Variants in CACNA1B observed in about 807,000 individuals in gnomAD.
CACNA1B encodes the protein voltage-dependent N-type calcium channel subunit alpha-1B.
In CACNA1B, 70 loss-of-function variants were observed where a neutral mutation model predicts 247.2. That is an observed-to-expected ratio of 0.28 (90% CI 0.23 to 0.35). The LOEUF (loss-of-function observed/expected upper bound fraction) is 0.35. CACNA1B is among the 10% of genes least tolerant of loss of function. The pLI, the probability that CACNA1B is intolerant of heterozygous loss-of-function variation, is 1.00. For missense variants in CACNA1B, 2,367 were observed against 3,197.4 expected (o/e 0.74, Z 6.26); for synonymous variants, 1,231 against 1,294.4 (o/e 0.95, Z 1.05).
At chr9:137,929,894 T>G (rs1957589943) in intron 6 of CACNA1B, among the ~76,000 whole-genome samples, 1 of 152,150 alleles carries the variant, frequency 6.6e-6, no homozygotes, top group South Asian at 2.1e-4. Context: ...GCTCAGGCGA[T>G]TCTCCCTCCT....
In CACNA1B at chr9:137,880,589, C is replaced by T. The variant is rs191092601; in HGVS notation, c.390+1430C>T. ...TGTCCAGCCTTGCAAGTTCCTGCCTCGCAGGTGTGGGAGGGTTTACTTTGT... is the reference window on the plus strand; with the variant it reads ...TGTCCAGCCTTGCAAGTTCCTGCCTTGCAGGTGTGGGAGGGTTTACTTTGT... On this transcript the variant is annotated intron_variant, in intron 2 of 46. Coordinates refer to ENST00000371372, the MANE Select transcript of CACNA1B (RefSeq NM_000718.4). The surrounding 1 kb of genome is among the most constrained non-coding windows in gnomAD (Gnocchi z 4.8). 4.6e-5 allele frequency among the ~76,000 whole-genome samples: 7 copies of T among 152,214 alleles called. No individual in the cohort carries two copies. The highest frequency in any genetic ancestry group is 3.9e-4 in the East Asian group (2 of 5,168).
intron 10 of CACNA1B, among the ~76,000 whole-genome samples, chr9:137,963,871 C>T (rs1325918530): frequency 1.3e-5 from 2 of 152,138 alleles, no homozygotes; most frequent in Admixed American, 1.3e-4. Flanking sequence ...CATTAGGACC[C>T]CTTGTAGGGC....
In CACNA1B at chr9:137,974,478, G is replaced by A. The variant is rs761015794; in HGVS notation, c.1544-1429G>A. Among the ~76,000 whole-genome samples the A allele has an allele frequency of 2.0e-5, 3 of 152,162 alleles. No homozygotes were observed. Among genetic ancestry groups the A allele is most frequent in the Non-Finnish European group, 4.4e-5 (3 of 68,028 alleles). ...GTCCTCAGGCCATACAAAGTGGGGT[G>A]TCCGCTCCCTGAGACTCCTGTCTGT... On this transcript the variant is annotated intron_variant, in intron 11 of 46. Transcript: ENST00000371372. This position sits in a 1 kb window ranked among gnomAD's most constrained non-coding sequence, Gnocchi z 4.5.
In CACNA1B at chr9:138,020,855, T is replaced by C. The variant is rs892800987; in HGVS notation, c.2268-2156T>C. On this transcript the variant is annotated intron_variant, in intron 18 of 46. Transcript: ENST00000371372. This position sits in a 1 kb window ranked among gnomAD's most constrained non-coding sequence, Gnocchi z 4.1. The stretch of plus-strand genomic sequence containing the variant: ...AGGGTGAGGGCAGAGCTATATGGTC[T>C]GGAGCCCACCCCACCTTCACACAGA... Among the ~76,000 whole-genome samples the C allele has an allele frequency of 6.6e-6, 1 of 152,238 alleles. No individual in the cohort carries two copies. The highest frequency in any genetic ancestry group is 2.4e-5 in the African/African-American group (1 of 41,464).
At chr9:138,033,568 A>G (rs906669989) in intron 20 of CACNA1B, among the ~76,000 whole-genome samples, 14 of 152,332 alleles carry the variant, frequency 9.2e-5, no homozygotes, top group African/African-American at 3.1e-4. Context: ...AGTGGGGCAT[A>G]TTAGTCCTTT....
intron 18 of CACNA1B, chr9:138,016,989 T>G (rs1589070875): frequency 4.9e-6 from 2 of 404,250 alleles, no homozygotes; most frequent in African/African-American, 2.0e-5. Flanking sequence ...TCTCGGCTGG[T>G]GCCCGTCTGA....
At chr9:138,046,827 G>C in intron 21 of CACNA1B, 77 bp from the exon 22 acceptor site, 1 of 1,436,484 alleles carries the variant, frequency 7.0e-7, no homozygotes, top group Non-Finnish European at 9.6e-7. Context: ...TCTGCGGGAC[G>C]GGCTGAGCCT....
intron 18 of CACNA1B, among the ~76,000 whole-genome samples, chr9:138,017,723 C>A (rs930612968): frequency 1.3e-5 from 2 of 152,220 alleles, no homozygotes; most frequent in Non-Finnish European, 2.9e-5. Context: ...TCACAGTAGA[C>A]CACCCAGGGC....
In CACNA1B at chr9:137,891,963, T is replaced by G. The variant is rs1957105782; in HGVS notation, c.530+9080T>G. 1 of 437,090 alleles carries G rather than the reference T, an allele frequency of 2.3e-6. No homozygotes were observed. The highest frequency in any genetic ancestry group is 4.6e-6 in the Non-Finnish European group (1 of 215,944). The allele number at this position is 437,090 out of a possible 1,614,324, so 27.1% of individuals were successfully genotyped here. ...TCTAGCCAATGCCACCCTCCCTGTC[T>G]CCCCTGAGAGCACAGGAGCCTGGTG... is the stretch of plus-strand genomic sequence containing the variant. On this transcript the variant is annotated intron_variant, in intron 3 of 46. Coordinates refer to ENST00000371372, the MANE Select transcript of CACNA1B (RefSeq NM_000718.4). This position sits in a 1 kb window ranked among gnomAD's most constrained non-coding sequence, Gnocchi z 4.3.
chr9:138,086,214 C>G (rs574534216), intron 36 of CACNA1B, among the ~76,000 whole-genome samples: 2 of 151,224 alleles, frequency 1.3e-5, no homozygotes, highest in South Asian at 4.2e-4. Context: ...TTAAATGACC[C>G]AACTATATAC....
At chr9:137,895,125 C>G (rs1345278829) in intron 3 of CACNA1B, among the ~76,000 whole-genome samples, 1 of 152,182 alleles carries the variant, frequency 6.6e-6, no homozygotes, top group African/African-American at 2.4e-5. Context: ...CATTGAATTG[C>G]TTTTGTGCTT....
chr9:137,938,997 G>T (rs1957700565), intron 6 of CACNA1B, among the ~76,000 whole-genome samples: 1 of 152,104 alleles, frequency 6.6e-6, no homozygotes, highest in African/African-American at 2.4e-5. Context: ...CGTGAACCCA[G>T]AGGTGGAGGT....
intron 15 of CACNA1B, among the ~76,000 whole-genome samples, chr9:137,991,040 C>T (rs1324638344): frequency 1.3e-5 from 2 of 152,046 alleles, no homozygotes; most frequent in African/African-American, 4.8e-5. Context: ...TCTTAAACAC[C>T]CCCAGAAGAT....
At position 138,072,439 on chromosome 9, in the gene CACNA1B, G is replaced by A. The variant is rs1035806089; in HGVS notation, c.4675-1049G>A. 2.0e-5 allele frequency among the ~76,000 whole-genome samples: 3 copies of A among 152,214 alleles called. No individual in the cohort carries two copies. The highest frequency in any genetic ancestry group is 7.2e-5 in the African/African-American group (3 of 41,452). On this transcript the variant is annotated intron_variant, in intron 32 of 46. Transcript: ENST00000371372. This position sits in a 1 kb window ranked among gnomAD's most constrained non-coding sequence, Gnocchi z 4.5. ...GCCCTCACCGCCTCTGCGCCTGCACGTGCTCCTGCTGCTGCTGTCTCATTT... is the reference window on the plus strand; with the variant it reads ...GCCCTCACCGCCTCTGCGCCTGCACATGCTCCTGCTGCTGCTGTCTCATTT...
intron 10 of CACNA1B, among the ~76,000 whole-genome samples, chr9:137,965,264 T>G (rs1958061235): frequency 6.6e-6 from 1 of 152,258 alleles, no homozygotes. Context: ...CTGATCAGTT[T>G]GAGCTTTCCA....
chr9:138,068,892 C>T lies in CACNA1B; in HGVS notation c.4669-866C>T, dbSNP rs118128288. Among the ~76,000 whole-genome samples, 209 of 152,312 alleles carry T rather than the reference C, an allele frequency of 1.4e-3. 6 individuals carry two copies. In the East Asian group the frequency reaches 0.034, roughly 25 times the overall value. On this transcript the variant is annotated intron_variant, in intron 31 of 46. Transcript: ENST00000371372. ...CTTGATACAAGGCAGATTCCTGCTG[C>T]AGTGCAGGCAGCCAGACTGACCCAC...
At chr9:138,083,270 A>G (rs888553267) in intron 36 of CACNA1B, among the ~76,000 whole-genome samples, 5 of 150,830 alleles carry the variant, frequency 3.3e-5, no homozygotes, top group African/African-American at 1.2e-4. Flanking sequence ...CAAAACTGCC[A>G]TCAAACTAAC....
intron 31 of CACNA1B, among the ~76,000 whole-genome samples, chr9:138,061,052 C>G (rs1959704344): frequency 6.6e-6 from 1 of 152,216 alleles, no homozygotes; most frequent in Non-Finnish European, 1.5e-5. Context: ...CCAACCCTGG[C>G]TGCCGTGGTA....
At chr9:138,116,392 C>G (rs1961868526) in intron 42 of CACNA1B, among the ~76,000 whole-genome samples, 1 of 152,220 alleles carries the variant, frequency 6.6e-6, no homozygotes, top group Admixed American at 6.5e-5. Context: ...CTTTTTCCCA[C>G]TGTGGCCCAG....
Sources: gnomAD v4.1 joint callset for allele counts (sites outside exome capture counted in the v4.1 genomes callset) on GRCh38, gnomAD v4.1.1 for gene constraint, Gnocchi (gnomAD v3.1) non-coding constraint, MANE v1.5 for transcripts, NCBI Gene and HGNC (gene_info 2026-07-23, HGNC 2026-07-21) for gene names.